CACNA1B: variants seen among roughly 807,000 people sequenced by gnomAD.
CACNA1B encodes voltage-dependent N-type calcium channel subunit alpha-1B.
In CACNA1B, 70 loss-of-function variants were observed where a neutral mutation model predicts 247.2. That is an observed-to-expected ratio of 0.28 (90% confidence interval 0.23 to 0.35). CACNA1B has a LOEUF of 0.35. Ranked by LOEUF, CACNA1B falls within the 10% of genes least tolerant of loss-of-function variation. The probability of loss-of-function intolerance (pLI) is 1.00; values close to 1 mark genes in which losing one functional copy is unlikely to be tolerated. For synonymous variants in CACNA1B, 1,231 were observed against 1,294.4 expected (o/e 0.95, Z 1.05); for missense variants, 2,367 against 3,197.4 (o/e 0.74, Z 6.26).
At chr9:138,043,957 C>CATGCAT in intron 21 of CACNA1B, 57 bp downstream of exon 21, 4 of 1,588,616 alleles carry the variant, frequency 2.5e-6, no homozygotes, top group Non-Finnish European at 3.4e-6. Context: ...GCATCATGAC[C>CATGCAT]CGTGGGATCT....
chr9:138,094,000 G>A, intron 36 of CACNA1B, among the ~76,000 whole-genome samples: 1 of 152,168 alleles, frequency 6.6e-6, no homozygotes, highest in East Asian at 1.9e-4. Context: ...ACTCACAATA[G>A]CCAAAAGGAG....
Position 138,113,034 on chromosome 9 carries a change from T to C in CACNA1B, c.5536+529T>C, listed in dbSNP as rs1255674471. 4.2e-5 allele frequency among the ~76,000 whole-genome samples: 6 copies of C among 144,530 alleles called. No homozygotes were observed. In the East Asian group the frequency reaches 1.3e-3, roughly 31 times the overall value. The allele number at this position is 144,530 out of a possible 152,430, so 94.8% of individuals were successfully genotyped here. On this transcript the variant is annotated intron_variant, in intron 40 of 46. Transcript: ENST00000371372. ...CGCAGAGAGGTGCCCAACTCCTTCT[T>C]GTGAGAGACGTGAGGGAGCACGGGG...
At chr9:137,982,879 A>G (rs1958310403) in intron 12 of CACNA1B, among the ~76,000 whole-genome samples, 1 of 152,196 alleles carries the variant, frequency 6.6e-6, no homozygotes, top group Non-Finnish European at 1.5e-5. Context: ...TGTTGACAGA[A>G]CGTTAGATAT....
At position 138,023,332 on chromosome 9, in the gene CACNA1B, G is replaced by A; in HGVS notation, c.2589G>A (p.Ala863=). 6.7e-7 allele frequency: 1 copy of A among 1,503,174 alleles called. No individual in the cohort carries two copies. Among genetic ancestry groups the A allele is most frequent in the Non-Finnish European group, 8.8e-7 (1 of 1,134,498 alleles). The allele number at this position is 1,503,174 out of a possible 1,614,324, so 93.1% of individuals were successfully genotyped here. A position where few individuals can be genotyped will look rare whatever the true frequency, so the allele number is the denominator to read the frequency against. The change falls in exon 19 of 47, where the codon GCG becomes GCA. Residue 863 remains alanine (A), a synonymous_variant. Coordinates refer to ENST00000371372, the MANE Select transcript of CACNA1B (RefSeq NM_000718.4). ...GCGACAAGGACAAGACCCCCGCGGC[G>A]GGGGACCAGGACCGAGCAGAGGCCC... ...RHRDKDKTPA[A]GDQDRAEAPK...
chr9:137,978,156 T>TG (rs1958246949), intron 12 of CACNA1B, among the ~76,000 whole-genome samples: 4 of 75,878 alleles, frequency 5.3e-5, no homozygotes, highest in Admixed American at 1.4e-4. Context: ...GGAGCACTAC[T>TG]TCCCCCCCAG....
At chr9:137,941,506 G>T (rs527872567) in intron 6 of CACNA1B, among the ~76,000 whole-genome samples, 1 of 152,280 alleles carries the variant, frequency 6.6e-6, no homozygotes, top group East Asian at 1.9e-4. Flanking sequence ...TGACCATACT[G>T]CCAAAAGCAG....
chr9:138,066,243 A>G (rs1312672135), intron 31 of CACNA1B, among the ~76,000 whole-genome samples: 1 of 152,202 alleles, frequency 6.6e-6, no homozygotes, highest in African/African-American at 2.4e-5. Flanking sequence ...CATGGGCTCC[A>G]CCTGCAAAGC....
intron 35 of CACNA1B, among the ~76,000 whole-genome samples, chr9:138,076,186 C>T (rs1453481848): frequency 3.9e-5 from 6 of 152,332 alleles, no homozygotes; most frequent in Non-Finnish European, 7.4e-5. Flanking sequence ...TCTGCTGCCT[C>T]GTCTGTGCTC....
At chr9:138,109,898 C>A (rs755630654) in intron 39 of CACNA1B, among the ~76,000 whole-genome samples, 1 of 151,958 alleles carries the variant, frequency 6.6e-6, no homozygotes, top group Non-Finnish European at 1.5e-5. Flanking sequence ...TGGTGAAACC[C>A]GTCCCTACTA....
intron 20 of CACNA1B, among the ~76,000 whole-genome samples, chr9:138,043,417 A>C (rs1959152333): frequency 6.6e-6 from 1 of 152,048 alleles, no homozygotes; most frequent in African/African-American, 2.4e-5. Flanking sequence ...TGCGGGTTCG[A>C]GGTCCCAGCA....
chr9:137,921,181 G>A (rs1957472843), intron 6 of CACNA1B, among the ~76,000 whole-genome samples: 1 of 152,258 alleles, frequency 6.6e-6, no homozygotes, highest in Admixed American at 6.5e-5. Context: ...CCAGCACTCA[G>A]AGGTCCAGTA....
Position 138,101,386 on chromosome 9 carries a change from G to T in CACNA1B, c.5223-1325G>T, listed in dbSNP as rs538221321. ...CCCCTGACCCTTCTAGCTGGCTGGG[G>T]ACAGGCAGCCTTTTGAGAGTGCACA... On this transcript the variant is annotated intron_variant, in intron 37 of 46. Transcript: ENST00000371372. Among the ~76,000 whole-genome samples the T allele has an allele frequency of 1.2e-4, 19 of 152,342 alleles. No individual in the cohort carries two copies. In the East Asian group the frequency reaches 2.9e-3, roughly 23 times the overall value.
At chr9:138,032,707 C>T (rs1476871683) in intron 20 of CACNA1B, 1 of 453,686 alleles carries the variant, frequency 2.2e-6, no homozygotes. Flanking sequence ...TGTGCCTCTT[C>T]CTTCTGACCT....
chr9:137,908,617 A>G (rs767000102), intron 3 of CACNA1B, among the ~76,000 whole-genome samples: 6 of 152,212 alleles, frequency 3.9e-5, no homozygotes, highest in Admixed American at 6.5e-5. Flanking sequence ...GTTTTGGCAT[A>G]TTAAATTTTT....
At chr9:138,112,028 A>G (rs1802196812) in intron 39 of CACNA1B, among the ~76,000 whole-genome samples, 1 of 151,916 alleles carries the variant, frequency 6.6e-6, no homozygotes, top group East Asian at 1.9e-4. Context: ...TTTTTGGTAA[A>G]TATTGTTGAA....
At chr9:138,112,736 A>G (rs911061148) in intron 40 of CACNA1B, among the ~76,000 whole-genome samples, 1 of 152,084 alleles carries the variant, frequency 6.6e-6, no homozygotes, top group African/African-American at 2.4e-5. Context: ...TGTGGAATTT[A>G]TTTTTTTTAA....
Position 137,914,890 on chromosome 9 carries a change from G to C in CACNA1B, c.775+84G>C. 1 of 1,479,296 alleles carries C rather than the reference G, an allele frequency of 6.8e-7. No individual in the cohort carries two copies. Among genetic ancestry groups the C allele is most frequent in the Non-Finnish European group, 9.1e-7 (1 of 1,099,434 alleles). The allele number at this position is 1,479,296 out of a possible 1,614,324, so 91.6% of individuals were successfully genotyped here. A position where few individuals can be genotyped will look rare whatever the true frequency, so the allele number is the denominator to read the frequency against. ...GATGGGCACTGTTCTAGGTGCTAGA[G>C]GGGCCTTCTTGGTGCCAGATACATG... On this transcript the variant is annotated intron_variant, in intron 5 of 46. Coordinates refer to ENST00000371372, the MANE Select transcript of CACNA1B (RefSeq NM_000718.4). The surrounding 1 kb of genome is among the most constrained non-coding windows in gnomAD (Gnocchi z 4.3).
chr9:137,964,707 G>A (rs868862373), intron 10 of CACNA1B, among the ~76,000 whole-genome samples: 1 of 152,182 alleles, frequency 6.6e-6, no homozygotes. Context: ...CATTTCAACA[G>A]TCTCAGTTTC....
rs73575854 is a variant in CACNA1B, at chr9:138,077,149, G to A, written c.4950-965G>A. ...TCAGTCAGGCCCAGCACAGGTTGAAGCAGCAGCCCTGCAGGAACCCCCCTG... is the reference window on the plus strand; with the variant it reads ...TCAGTCAGGCCCAGCACAGGTTGAAACAGCAGCCCTGCAGGAACCCCCCTG... On this transcript the variant is annotated intron_variant, in intron 35 of 46. Coordinates refer to ENST00000371372, the MANE Select transcript of CACNA1B (RefSeq NM_000718.4). Among the ~76,000 whole-genome samples, 366 of 152,350 alleles carry A rather than the reference G, an allele frequency of 2.4e-3. 3 individuals are homozygous for A. The highest frequency in any genetic ancestry group is 8.4e-3 in the African/African-American group (351 of 41,578).
Sources: allele counts gnomAD v4.1 joint callset (sites outside exome capture counted in the v4.1 genomes callset), GRCh38; gene constraint gnomAD v4.1.1; non-coding constraint Gnocchi (gnomAD v3.1); transcripts MANE v1.5; gene names NCBI Gene and HGNC (gene_info 2026-07-23, HGNC 2026-07-21).